The following GNB3 variants were observed in gnomAD, a reference collection of about 807,000 sequenced individuals.
The protein encoded by GNB3 is guanine nucleotide-binding protein G(I)/G(S)/G(T) subunit beta-3.
In GNB3, 33 loss-of-function variants were observed where a neutral mutation model predicts 41.2. That is an observed-to-expected ratio of 0.80 (90% confidence interval 0.61 to 1.07). The LOEUF is 1.07. GNB3 is among the 50% of genes least tolerant of loss of function. The pLI is 0.00. For missense variants in GNB3, 409 were observed against 455.3 expected (o/e 0.90, Z 0.92); for synonymous variants, 172 against 173.4 (o/e 0.99, Z 0.06).
At chr12:6,841,704 C>A in intron 3 of GNB3, 80 bp downstream of exon 3, 1 of 1,011,326 alleles carries the variant, frequency 9.9e-7, no homozygotes, top group Non-Finnish European at 1.5e-6. Flanking sequence ...CGCGTTGCTC[C>A]GAGCATTAGT....
chr12:6,843,955 G>A lies in GNB3; in HGVS notation c.676G>A (p.Glu226Lys), dbSNP rs371744474. Reference sequence around the variant, plus strand: ...CTGCCGTCAGACTTTCACTGGCCACGAGTCGGACATCAACGCCATCTGTGT... The same window carrying A: ...CTGCCGTCAGACTTTCACTGGCCACAAGTCGGACATCAACGCCATCTGTGT... The part of the protein sequence containing the change: ...GTCRQTFTGH[E>K]SDINAICFFP... The change falls in exon 8 of 10, where the codon GAG becomes AAG. Residue 226 changes from glutamate to lysine, a missense_variant. Glu to Lys is a moderately conservative substitution (Grantham distance 56). Coordinates refer to ENST00000229264, the MANE Select transcript of GNB3 (RefSeq NM_002075.4). This position sits in a 1 kb window ranked among gnomAD's most constrained non-coding sequence, Gnocchi z 5.9. 1.8e-5 allele frequency: 29 copies of A among 1,613,012 alleles called. No homozygotes were observed. The highest frequency in any genetic ancestry group is 1.2e-4 in the Admixed American group (7 of 59,968).
rs2234756 is a variant in GNB3 at position 6,843,196 on chromosome 12, G to T, written c.226G>T (p.Asp76Tyr). Residue 76 changes from aspartate (D) to tyrosine (Y), a missense_variant, in exon 5 of 10, where the codon GAT (aspartate) becomes TAT (tyrosine). By Grantham distance (160) the Asp-to-Tyr change is radical. Transcript: ENST00000229264. The surrounding 1 kb of genome is among the most constrained non-coding windows in gnomAD (Gnocchi z 5.9). The stretch of plus-strand genomic sequence containing the variant: ...CAGGCTGCTGGTAAGTGCCTCGCAA[G>T]ATGGGAAGCTGATCGTGTGGGACAG... ...DSKLLVSASQ[D>Y]GKLIVWDSYT... 244 of 1,614,076 alleles carry T rather than the reference G, an allele frequency of 1.5e-4. No individual in the cohort carries two copies. In the East Asian group the frequency reaches 5.4e-3, roughly 36 times the overall value.
chr12:6,841,996 C>G (rs1943585402), intron 3 of GNB3: 2 of 378,632 alleles, frequency 5.3e-6, no homozygotes, highest in East Asian at 1.3e-4. Context: ...ATTTTGACAT[C>G]TCTGAAATCA....
Position 6,843,323 on chromosome 12 carries a change from G to T in GNB3, c.268-40G>T, listed in dbSNP as rs782737519. On this transcript the variant is annotated intron_variant, in intron 5 of 9. Coordinates refer to ENST00000229264, the MANE Select transcript of GNB3 (RefSeq NM_002075.4). The surrounding 1 kb of genome is among the most constrained non-coding windows in gnomAD (Gnocchi z 5.9). ...CCCTCCTGTGCCCAGCTGGGAGCTT[G>T]GCTCCGGTCCCATCTCTGCTCAAAC... The T allele has an allele frequency of 7.4e-6, 12 of 1,612,264 alleles. No homozygotes were observed. The highest frequency in any genetic ancestry group is 1.0e-5 in the Non-Finnish European group (12 of 1,178,412).
Position 6,846,862 on chromosome 12 carries a change from A to G in GNB3, c.987A>G (p.Thr329=). 6.3e-7 allele frequency: 1 copy of G among 1,598,872 alleles called. No individual in the cohort carries two copies. Among genetic ancestry groups the G allele is most frequent in the Non-Finnish European group, 8.5e-7 (1 of 1,172,562 alleles). Residue 329 remains threonine, a synonymous_variant, in exon 10 of 10, where the codon ACA becomes ACG. Transcript: ENST00000229264. ...CAGCTGACGGGATGGCTGTGGCCAC[A>G]GGTTCCTGGGACAGCTTCCTCAAAA... is the stretch of plus-strand genomic sequence containing the variant. The part of the protein sequence containing the change: ...GVTADGMAVA[T]GSWDSFLKIW...
chr12:6,844,630 A>G (rs1943646592), intron 8 of GNB3, among the ~76,000 whole-genome samples: 1 of 152,248 alleles, frequency 6.6e-6, no homozygotes, highest in Non-Finnish European at 1.5e-5. Flanking sequence ...TATGTTGCCC[A>G]GGCTGAGCTG....
Position 6,846,952 on chromosome 12 carries a change from C to A in GNB3, c.*54C>A. ...AGTGAACACACTCAGCAGCCCCCTG[C>A]CCGACCCCATCTCATTCAGGTGTTC... On this transcript the variant is annotated 3_prime_UTR_variant, in exon 10 of 10. Transcript: ENST00000229264. 1.0e-6 allele frequency: 1 copy of A among 977,544 alleles called. No homozygotes were observed. The highest frequency in any genetic ancestry group is 1.6e-6 in the Non-Finnish European group (1 of 625,028). 60.6% of individuals were successfully genotyped at this position (977,544 alleles called of 1,614,324 possible). A position where few individuals can be genotyped will look rare whatever the true frequency, so the allele number is the denominator to read the frequency against.
At chr12:6,846,451 A>G (rs891407471) in intron 9 of GNB3, 5 of 227,388 alleles carry the variant, frequency 2.2e-5, no homozygotes, top group Non-Finnish European at 4.3e-5. Flanking sequence ...CATAGTACAC[A>G]GATGCTTCCA....
chr12:6,842,418 AG>A (rs782706103), intron 3 of GNB3, among the ~76,000 whole-genome samples: 66 of 152,228 alleles, frequency 4.3e-4, no homozygotes, highest in Non-Finnish European at 8.4e-4. Context: ...TTTTAAAAAA[AG>A]ATAGCAATGC....
intron 8 of GNB3, chr12:6,845,201 T>G: frequency 5.5e-6 from 1 of 182,224 alleles, no homozygotes; most frequent in Non-Finnish European, 1.1e-5. Flanking sequence ...TTGCTCGCCG[T>G]GAGATCCAGG....
chr12:6,843,449 C>A lies in GNB3; in HGVS notation c.354C>A (p.Asp118Glu). 6.2e-7 allele frequency: 1 copy of A among 1,614,062 alleles called. No individual in the cohort carries two copies. Among genetic ancestry groups the A allele is most frequent in the Non-Finnish European group, 8.5e-7 (1 of 1,179,930 alleles). ...ACTTTGTGGCATGTGGGGGGCTGGA[C>A]AACATGTGTTCCATCTACAACCTCA... is the stretch of plus-strand genomic sequence containing the variant. ...SGNFVACGGL[D>E]NMCSIYNLKS... The change falls in exon 6 of 10, where the codon GAC becomes GAA. Residue 118 changes from aspartate (D) to glutamate (E), a missense_variant. Asp to Glu is a conservative substitution (Grantham distance 45). Coordinates refer to ENST00000229264, the MANE Select transcript of GNB3 (RefSeq NM_002075.4). The surrounding 1 kb of genome is among the most constrained non-coding windows in gnomAD (Gnocchi z 5.9).
intron 8 of GNB3, chr12:6,845,172 G>C (rs1181756298): frequency 5.9e-6 from 1 of 168,416 alleles, no homozygotes; most frequent in South Asian, 1.7e-4. Context: ...CTCTCCCTCC[G>C]TTTGAGCTTA....
At chr12:6,845,965 A>C in intron 9 of GNB3, 163 bp downstream of exon 9, 2 of 617,338 alleles carry the variant, frequency 3.2e-6, no homozygotes, top group South Asian at 3.7e-5. Context: ...TTGGTTCCCA[A>C]CTAGGACTGT....
intron 8 of GNB3, 61 bp from the exon 9 acceptor site, chr12:6,845,525 C>T (rs782355827): frequency 2.4e-5 from 28 of 1,147,708 alleles, no homozygotes; most frequent in African/African-American, 6.0e-5. Context: ...AGGCAGAGGG[C>T]GGGAGAGGCT....
Position 6,841,815 on chromosome 12 carries a change from T to G in GNB3, c.96+191T>G, listed in dbSNP as rs371228947. 3.9e-4 allele frequency: 271 copies of G among 702,388 alleles called. 1 individual carries two copies. Among genetic ancestry groups the G allele is most frequent in the South Asian group, 3.6e-3 (237 of 66,760 alleles). The allele number at this position is 702,388 out of a possible 1,614,324, so 43.5% of individuals were successfully genotyped here. A position where few individuals can be genotyped will look rare whatever the true frequency, so the allele number is the denominator to read the frequency against. On this transcript the variant is annotated intron_variant, in intron 3 of 9. Transcript: ENST00000229264. ...CAGGCACCATATTGGATGCGAAAGA[T>G]GCGGACACGGTTCCTATTCTCATCC... is the stretch of plus-strand genomic sequence containing the variant.
In GNB3 at chr12:6,843,085, T is replaced by TG. The variant is rs545677946; in HGVS notation, c.203+16dup. 304 of 1,604,122 alleles carry TG rather than the reference T, an allele frequency of 1.9e-4. 1 individual carries two copies. The African/African-American group carries it at 3.5e-3, about 19-fold the overall frequency. Reference sequence around the variant, plus strand: ...TGGGCCACTGATTCTAAGTGAGGCTTGGGGGGGAACCGAGAATGGGAGGGT... The same window carrying TG: ...TGGGCCACTGATTCTAAGTGAGGCTTGGGGGGGGAACCGAGAATGGGAGGGT... On this transcript the variant is annotated intron_variant, in intron 4 of 9. Transcript: ENST00000229264. The surrounding 1 kb of genome is among the most constrained non-coding windows in gnomAD (Gnocchi z 5.9).
rs782432503 is a variant in GNB3, at chr12:6,843,642, C to T, written c.441C>T (p.Ser147=). The change falls in exon 7 of 10, where the codon TCC becomes TCT. Residue 147 remains serine, a synonymous_variant. Transcript: ENST00000229264. This position sits in a 1 kb window ranked among gnomAD's most constrained non-coding sequence, Gnocchi z 5.9. ...RELSAHTGYL[S]CCRFLDDNNI... ...TCTAACCGCCTCCAGGTTATCTCTC[C>T]TGCTGCCGCTTCCTGGATGACAACA... 11 of 1,614,214 alleles carry T rather than the reference C, an allele frequency of 6.8e-6. No homozygotes were observed. Among genetic ancestry groups the T allele is most frequent in the Middle Eastern group, 1.6e-4 (1 of 6,062 alleles).
intron 3 of GNB3, among the ~76,000 whole-genome samples, chr12:6,842,270 C>T (rs1212194340): frequency 3.3e-5 from 5 of 152,092 alleles, no homozygotes; most frequent in Admixed American, 1.3e-4. Context: ...CAAAGCAGGC[C>T]GGGCGCAGTG....
rs782530546 is a variant in GNB3 at position 6,843,341 on chromosome 12, G to A, written c.268-22G>A. On this transcript the variant is annotated intron_variant, in intron 5 of 9. Coordinates refer to ENST00000229264, the MANE Select transcript of GNB3 (RefSeq NM_002075.4). This position sits in a 1 kb window ranked among gnomAD's most constrained non-coding sequence, Gnocchi z 5.9. ...GGAGCTTGGCTCCGGTCCCATCTCT[G>A]CTCAAACCACCCTCCCTGCAGGTGC... 3 of 1,613,370 alleles carry A rather than the reference G, an allele frequency of 1.9e-6. No homozygotes were observed. The highest frequency in any genetic ancestry group is 3.3e-5 in the Admixed American group (2 of 59,986).
Sources: allele counts gnomAD v4.1 joint callset (sites outside exome capture counted in the v4.1 genomes callset), GRCh38; gene constraint gnomAD v4.1.1; non-coding constraint Gnocchi (gnomAD v3.1); transcripts MANE v1.5; gene names NCBI Gene and HGNC (gene_info 2026-07-23, HGNC 2026-07-21).